Variants in SDK1 observed in about 807,000 individuals in gnomAD.
SDK1 encodes protein sidekick-1.
SDK1 carries 157 observed loss-of-function variants against 245.5 expected under a neutral mutation model. That is an observed-to-expected ratio of 0.64 (90% CI 0.56 to 0.73). SDK1 has a LOEUF of 0.73. Ranked by LOEUF, SDK1 falls within the 30% of genes least tolerant of loss-of-function variation. The pLI is 0.00. For synonymous variants in SDK1, 1,647 were observed against 1,278.5 expected (o/e 1.29, Z -6.15); for missense variants, 3,583 against 3,002.3 (o/e 1.19, Z -4.52).
At chr7:3,632,255 G>A (rs947107683) in intron 2 of SDK1, among the ~76,000 whole-genome samples, 2 of 152,122 alleles carry the variant, frequency 1.3e-5, no homozygotes, top group African/African-American at 4.8e-5. Flanking sequence ...TTCTGCCCCT[G>A]ATTTAATAAG....
At chr7:3,514,922 CAA>C (rs985559824) in intron 1 of SDK1, among the ~76,000 whole-genome samples, 9 of 152,182 alleles carry the variant, frequency 5.9e-5, no homozygotes, top group African/African-American at 1.9e-4. Context: ...TTAAGTGTGA[CAA>C]GAGCAAAAGA....
At chr7:3,859,480 A>C (rs1361690646) in intron 5 of SDK1, among the ~76,000 whole-genome samples, 1 of 151,990 alleles carries the variant, frequency 6.6e-6, no homozygotes, top group African/African-American at 2.4e-5. Context: ...GTAGGTGCCC[A>C]CTGTGGCTCA....
chr7:3,699,554 C>T (rs1345859407), intron 4 of SDK1, among the ~76,000 whole-genome samples: 1 of 152,006 alleles, frequency 6.6e-6, no homozygotes, highest in Non-Finnish European at 1.5e-5. Flanking sequence ...AATCCGTGAA[C>T]TTGAAGATAA....
At chr7:3,400,980 G>A (rs1778873509) in intron 1 of SDK1, among the ~76,000 whole-genome samples, 1 of 152,114 alleles carries the variant, frequency 6.6e-6, no homozygotes, top group African/African-American at 2.4e-5. Context: ...ATGATGAGAA[G>A]GGAAGGGACA....
chr7:4,245,996 C>T (rs28758541), intron 44 of SDK1, among the ~76,000 whole-genome samples, 191 bp downstream of exon 44: 3,336 of 152,270 alleles, frequency 0.022, 131 homozygotes, highest in African/African-American at 0.072. Context: ...CTCTGGGCCC[C>T]GCAGAGCTCA....
chr7:3,336,001 A>G lies in SDK1; in HGVS notation c.298+34117A>G, dbSNP rs181480545. Among the ~76,000 whole-genome samples the G allele has an allele frequency of 8.5e-5, 13 of 152,176 alleles. No individual in the cohort carries two copies. The Middle Eastern group carries it at 0.01, about 119-fold the overall frequency. On this transcript the variant is annotated intron_variant, in intron 1 of 44. Transcript: ENST00000404826. ...AAGGGTGTCAGTTCCCCTCCTTACT[A>G]TCTCCCACATGTCTAGTACAGGGCA...
intron 4 of SDK1, among the ~76,000 whole-genome samples, chr7:3,658,993 C>T (rs915372198): frequency 4.6e-5 from 7 of 152,256 alleles, no homozygotes; most frequent in African/African-American, 1.7e-4. Context: ...ACTCATCTTT[C>T]TTCCCACTTC....
At chr7:3,909,809 G>A (rs1356130628) in intron 5 of SDK1, among the ~76,000 whole-genome samples, 1 of 152,192 alleles carries the variant, frequency 6.6e-6, no homozygotes, top group East Asian at 1.9e-4. Flanking sequence ...TGCCTAAAGC[G>A]AGGCACCTCT....
At chr7:4,120,941 AAAAG>A (rs1424505924) in intron 25 of SDK1, among the ~76,000 whole-genome samples, 151 of 152,086 alleles carry the variant, frequency 9.9e-4, no homozygotes, top group African/African-American at 3.1e-3. Flanking sequence ...AAAAAAAAAA[AAAAG>A]AAAGAAACCT....
chr7:3,726,031 G>C (rs1778997367), intron 4 of SDK1, among the ~76,000 whole-genome samples: 1 of 152,216 alleles, frequency 6.6e-6, no homozygotes, highest in African/African-American at 2.4e-5. Flanking sequence ...TTGCTGATTT[G>C]CTAAGTGTGC....
At chr7:3,720,702 C>T (rs1170080577) in intron 4 of SDK1, among the ~76,000 whole-genome samples, 1 of 152,150 alleles carries the variant, frequency 6.6e-6, no homozygotes, top group Non-Finnish European at 1.5e-5. Context: ...CTCTGTGACC[C>T]ATGGGTGCTT....
intron 1 of SDK1, among the ~76,000 whole-genome samples, chr7:3,450,495 A>C (rs891397920): frequency 2.6e-5 from 4 of 152,158 alleles, no homozygotes; most frequent in African/African-American, 9.7e-5. Context: ...TTTGGGATAT[A>C]AAGGAAGGGA....
chr7:4,203,797 A>G (rs1174437072), intron 35 of SDK1, among the ~76,000 whole-genome samples: 1 of 152,204 alleles, frequency 6.6e-6, no homozygotes, highest in African/African-American at 2.4e-5. Flanking sequence ...GTTGACATAT[A>G]TTTCTCTCTT....
chr7:3,793,505 T>G (rs548438346), intron 4 of SDK1, among the ~76,000 whole-genome samples: 11 of 152,220 alleles, frequency 7.2e-5, no homozygotes, highest in Non-Finnish European at 1.6e-4. Context: ...TAGATAGTCT[T>G]CAGGTTTCTT....
At chr7:3,433,235 C>G (rs960934441) in intron 1 of SDK1, among the ~76,000 whole-genome samples, 1 of 152,150 alleles carries the variant, frequency 6.6e-6, no homozygotes, top group Non-Finnish European at 1.5e-5. Context: ...TGCCTCAACC[C>G]TCTAGTTTCA....
At position 3,668,162 on chromosome 7, in the gene SDK1, C is replaced by T. The variant is rs559299749; in HGVS notation, c.713+26057C>T. ...TTATGTTTTACTGCTTAATAAGCTGCCCTGAAACCCATCTTAGAACAAAAT... is the reference window on the plus strand; with the variant it reads ...TTATGTTTTACTGCTTAATAAGCTGTCCTGAAACCCATCTTAGAACAAAAT... On this transcript the variant is annotated intron_variant, in intron 4 of 44. Transcript: ENST00000404826. Among the ~76,000 whole-genome samples, 8 of 152,264 alleles carry T rather than the reference C, an allele frequency of 5.3e-5. No individual in the cohort carries two copies. In the East Asian group the frequency reaches 5.8e-4, roughly 11 times the overall value.
chr7:3,806,289 G>C (rs1779242536), intron 4 of SDK1, among the ~76,000 whole-genome samples: 1 of 127,076 alleles, frequency 7.9e-6, no homozygotes, highest in Non-Finnish European at 1.6e-5. Context: ...CTAGGATGTG[G>C]ATGTCCACAT....
At chr7:4,036,130 A>G (rs767822215) in intron 17 of SDK1, among the ~76,000 whole-genome samples, 1 of 152,202 alleles carries the variant, frequency 6.6e-6, no homozygotes, top group African/African-American at 2.4e-5. Context: ...GAAAGCCGCA[A>G]TTGACAAGAA....
At chr7:3,637,765 C>G (rs1782510755) in intron 2 of SDK1, among the ~76,000 whole-genome samples, 1 of 152,162 alleles carries the variant, frequency 6.6e-6, no homozygotes, top group Non-Finnish European at 1.5e-5. Context: ...ACTTTTTAAC[C>G]TCTGAAAAAG....
Sources: gnomAD v4.1 joint callset for allele counts (sites outside exome capture counted in the v4.1 genomes callset) on GRCh38, gnomAD v4.1.1 for gene constraint, MANE v1.5 for transcripts, NCBI Gene and HGNC (gene_info 2026-07-23, HGNC 2026-07-21) for gene names.